Variants in ZNF385D observed in about 807,000 individuals in gnomAD.
ZNF385D encodes the protein zinc finger protein 659.
In ZNF385D, 15 loss-of-function variants were observed where a neutral mutation model predicts 35.8. That is an observed-to-expected ratio of 0.42 (90% CI 0.28 to 0.64). The LOEUF (loss-of-function observed/expected upper bound fraction) is 0.64, where lower values mean the gene tolerates loss of function less well. ZNF385D is among the 30% of genes least tolerant of loss of function. The pLI is 0.23. For missense variants in ZNF385D, 474 were observed against 494.6 expected (o/e 0.96, Z 0.39); for synonymous variants, 212 against 186.8 (o/e 1.13, Z -1.10).
rs1476050812 is a variant in ZNF385D, at chr3:21,539,127, A to G, written c.276+25447T>C. On this transcript the variant is annotated intron_variant, in intron 3 of 7. Transcript: ENST00000281523. The surrounding 1 kb of genome is among the most constrained non-coding windows in gnomAD (Gnocchi z 4.0). Reference sequence around the variant, plus strand: ...TATTCAAGTTAATTTTTAAACCTGCATAATAATAATGCAACCCTTGACAAA... The same window carrying G: ...TATTCAAGTTAATTTTTAAACCTGCGTAATAATAATGCAACCCTTGACAAA... 6.6e-6 allele frequency among the ~76,000 whole-genome samples: 1 copy of G among 152,016 alleles called. No homozygotes were observed. Among genetic ancestry groups the G allele is most frequent in the African/African-American group, 2.4e-5 (1 of 41,438 alleles).
intron 3 of ZNF385D, among the ~76,000 whole-genome samples, chr3:21,769,294 G>A (rs1250756464): frequency 1.2e-5 from 1 of 80,162 alleles, no homozygotes; most frequent in African/African-American, 6.7e-5. Context: ...AAGTCAAATT[G>A]TCCCTGTTTT....
intron 2 of ZNF385D, among the ~76,000 whole-genome samples, chr3:21,648,453 T>A (rs1206655159): frequency 6.6e-6 from 1 of 152,140 alleles, no homozygotes; most frequent in Non-Finnish European, 1.5e-5. Flanking sequence ...TAATACCGGC[T>A]GTATAGAGTG....
intron 2 of ZNF385D, among the ~76,000 whole-genome samples, chr3:22,331,337 A>C (rs1228182607): frequency 6.6e-6 from 1 of 152,214 alleles, no homozygotes; most frequent in Non-Finnish European, 1.5e-5. Flanking sequence ...AAAACTTAAA[A>C]ACATCTTTAT....
At chr3:22,247,064 C>A (rs1250701049) in intron 2 of ZNF385D, among the ~76,000 whole-genome samples, 1 of 152,108 alleles carries the variant, frequency 6.6e-6, no homozygotes, top group African/African-American at 2.4e-5. Context: ...TACACACATG[C>A]AGTTTCACTT....
At chr3:21,677,494 T>A (rs1353279712) in intron 1 of ZNF385D, among the ~76,000 whole-genome samples, 1 of 152,084 alleles carries the variant, frequency 6.6e-6, no homozygotes, top group Non-Finnish European at 1.5e-5. Context: ...TTGCATCTGA[T>A]TTTTCTTTGG....
rs1035731931 is a variant in ZNF385D, at chr3:21,539,362, G to A, written c.276+25212C>T. On this transcript the variant is annotated intron_variant, in intron 3 of 7. Transcript: ENST00000281523. The surrounding 1 kb of genome is among the most constrained non-coding windows in gnomAD (Gnocchi z 4.0). ...AATTAAGAACCAATAATATCTAAAT[G>A]CTGGTATCAAATAAAAACACAGAAC... Among the ~76,000 whole-genome samples, 4 of 152,120 alleles carry A rather than the reference G, an allele frequency of 2.6e-5. No homozygotes were observed. The highest frequency in any genetic ancestry group is 5.9e-5 in the Non-Finnish European group (4 of 68,018).
intron 2 of ZNF385D, among the ~76,000 whole-genome samples, chr3:22,344,522 T>G (rs1017526311): frequency 6.6e-6 from 1 of 152,114 alleles, no homozygotes; most frequent in Admixed American, 6.5e-5. Flanking sequence ...CCTGAGTATC[T>G]AGGACTACAG....
intron 3 of ZNF385D, among the ~76,000 whole-genome samples, chr3:22,084,148 T>A (rs1700906564): frequency 6.6e-6 from 1 of 152,192 alleles, no homozygotes; most frequent in Non-Finnish European, 1.5e-5. Flanking sequence ...GTAACGACCA[T>A]CGTTGCTAGG....
intron 3 of ZNF385D, among the ~76,000 whole-genome samples, chr3:22,149,474 GTTCT>G (rs1705085538): frequency 6.6e-6 from 1 of 152,226 alleles, no homozygotes; most frequent in African/African-American, 2.4e-5. Context: ...CGCCCAAAGC[GTTCT>G]TTAAGACACA....
chr3:21,667,038 C>T (rs1389373453), intron 1 of ZNF385D, among the ~76,000 whole-genome samples: 2 of 152,188 alleles, frequency 1.3e-5, no homozygotes, highest in African/African-American at 4.8e-5. Flanking sequence ...GATCGCACCA[C>T]TGTACTTCAG....
chr3:22,232,414 C>G (rs1174349231), intron 2 of ZNF385D, among the ~76,000 whole-genome samples: 1 of 150,340 alleles, frequency 6.7e-6, no homozygotes, highest in African/African-American at 2.4e-5. Flanking sequence ...ACTTTAAGTT[C>G]TGGGATACAT....
chr3:21,799,395 C>T lies in ZNF385D; in HGVS notation c.326-134367G>A, dbSNP rs185882324. 2.2e-4 allele frequency among the ~76,000 whole-genome samples: 33 copies of T among 152,226 alleles called. No homozygotes were observed. In the East Asian group the frequency reaches 4.8e-3, roughly 22 times the overall value. On this transcript the variant is annotated intron_variant, in intron 3 of 5. Transcript: ENST00000494108. ...TATATTCCCACCAGCAATGTGTAAGCGTTCCAGTTTCTCTACATCCTCATT... is the reference window on the plus strand; with the variant it reads ...TATATTCCCACCAGCAATGTGTAAGTGTTCCAGTTTCTCTACATCCTCATT...
intron 1 of ZNF385D, among the ~76,000 whole-genome samples, chr3:21,748,465 A>G (rs1246244572): frequency 6.6e-6 from 1 of 152,134 alleles, no homozygotes; most frequent in Non-Finnish European, 1.5e-5. Flanking sequence ...GATGATTTAT[A>G]AAGGAAGTAA....
intron 3 of ZNF385D, among the ~76,000 whole-genome samples, chr3:21,796,723 T>C (rs2072169663): frequency 1.3e-5 from 2 of 152,170 alleles, no homozygotes. Context: ...GGCCATTTTG[T>C]TGATAAGGAA....
intron 3 of ZNF385D, among the ~76,000 whole-genome samples, chr3:21,973,946 C>A (rs1295182634): frequency 6.6e-6 from 1 of 151,870 alleles, no homozygotes; most frequent in East Asian, 1.9e-4. Context: ...AAAAGGTATT[C>A]TATGTTCACA....
At chr3:22,034,446 G>T (rs1031426157) in intron 3 of ZNF385D, among the ~76,000 whole-genome samples, 7 of 152,018 alleles carry the variant, frequency 4.6e-5, no homozygotes, top group African/African-American at 1.7e-4. Context: ...AGTCTTAGCG[G>T]CCCAACTAAG....
chr3:21,505,958 G>C (rs746007139), intron 4 of ZNF385D, among the ~76,000 whole-genome samples: 1 of 152,072 alleles, frequency 6.6e-6, no homozygotes, highest in Non-Finnish European at 1.5e-5. Flanking sequence ...CTCCCTCGAA[G>C]TACCTATTCT....
chr3:22,227,345 G>A (rs1036035014), intron 2 of ZNF385D, among the ~76,000 whole-genome samples: 1 of 152,080 alleles, frequency 6.6e-6, no homozygotes, highest in Non-Finnish European at 1.5e-5. Flanking sequence ...TCTGCCCAAG[G>A]AAGGACGTGA....
intron 3 of ZNF385D, among the ~76,000 whole-genome samples, chr3:22,152,730 T>C (rs1333927206): frequency 6.6e-6 from 1 of 152,162 alleles, no homozygotes; most frequent in Admixed American, 6.6e-5. Flanking sequence ...CTCAAGACCA[T>C]GAATTTGATC....
Sources: gnomAD v4.1 joint callset for allele counts (sites outside exome capture counted in the v4.1 genomes callset) on GRCh38, gnomAD v4.1.1 for gene constraint, Gnocchi (gnomAD v3.1) non-coding constraint, MANE v1.5 for transcripts, NCBI Gene and HGNC (gene_info 2026-07-23, HGNC 2026-07-21) for gene names.